GABRG3: variants seen among roughly 807,000 people sequenced by gnomAD.
The protein encoded by GABRG3 is gamma-aminobutyric acid receptor subunit gamma-3.
Under a neutral mutation model 48.8 loss-of-function variants are expected in GABRG3, and 25 were observed. The ratio of observed to expected loss-of-function variants is 0.51; its 90% CI spans 0.37 to 0.72. GABRG3 has a LOEUF of 0.72. Ranked by LOEUF, GABRG3 falls within the 30% of genes least tolerant of loss-of-function variation. The pLI, the probability that GABRG3 is intolerant of heterozygous loss-of-function variation, is 0.00. For synonymous variants in GABRG3, 227 were observed against 217.6 expected, an observed-to-expected ratio of 1.04 and a Z score of -0.38; for missense variants, 394 against 577.9, an observed-to-expected ratio of 0.68 and a Z score of 3.26.
intron 3 of GABRG3, among the ~76,000 whole-genome samples, chr15:27,105,660 G>A (rs549665501): frequency 6.6e-6 from 1 of 152,240 alleles, no homozygotes; most frequent in South Asian, 2.1e-4. Flanking sequence ...ATATTGGTGG[G>A]GGTATGGAGA....
At chr15:27,364,956 A>C (rs532632360) in intron 5 of GABRG3, 4 of 143,588 alleles carry the variant, frequency 2.8e-5, no homozygotes, top group Non-Finnish European at 4.6e-5. Flanking sequence ...AGACTAGGAC[A>C]AAGAATTTTT....
At chr15:27,255,706 G>A (rs553716885) in intron 3 of GABRG3, among the ~76,000 whole-genome samples, 3 of 152,122 alleles carry the variant, frequency 2.0e-5, no homozygotes, top group Non-Finnish European at 4.4e-5. Flanking sequence ...CCAGACCTTG[G>A]AAATGCTGAT....
At chr15:27,255,580 A>G (rs1370165716) in intron 3 of GABRG3, among the ~76,000 whole-genome samples, 1 of 151,452 alleles carries the variant, frequency 6.6e-6, no homozygotes, top group Non-Finnish European at 1.5e-5. Context: ...CTTGTATTCC[A>G]TTTTCATCTT....
At chr15:27,212,097 A>G (rs1419625803) in intron 3 of GABRG3, among the ~76,000 whole-genome samples, 1 of 152,326 alleles carries the variant, frequency 6.6e-6, no homozygotes, top group South Asian at 2.1e-4. Flanking sequence ...GAAAATTGGT[A>G]TATAAACTGC....
rs759062472 is a variant in GABRG3 at position 27,180,220 on chromosome 15, C to T, written c.271-146589C>T. 8.5e-5 allele frequency among the ~76,000 whole-genome samples: 13 copies of T among 152,112 alleles called. No individual in the cohort carries two copies. The highest frequency in any genetic ancestry group is 5.8e-4 in the East Asian group (3 of 5,168). ...ACACTTTTTCTGAAGGACCTTAGCA[C>T]GGTCTAAATAAAGTTTGTAAACCAC... On this transcript the variant is annotated intron_variant, in intron 3 of 9. Transcript: ENST00000615808. This position sits in a 1 kb window ranked among gnomAD's most constrained non-coding sequence, Gnocchi z 4.2.
intron 3 of GABRG3, among the ~76,000 whole-genome samples, chr15:27,221,711 A>C (rs1413668493): frequency 5.3e-5 from 8 of 152,150 alleles, no homozygotes; most frequent in Admixed American, 4.6e-4. Flanking sequence ...AATGGCCCTT[A>C]ATAATTTCTC....
At chr15:27,036,390 C>T (rs749784925) in intron 3 of GABRG3, among the ~76,000 whole-genome samples, 4 of 152,104 alleles carry the variant, frequency 2.6e-5, no homozygotes, top group Admixed American at 6.5e-5. Context: ...AATTGTGTAA[C>T]GTGTTTCACT....
At chr15:27,264,971 A>G (rs1890873732) in intron 3 of GABRG3, among the ~76,000 whole-genome samples, 1 of 152,106 alleles carries the variant, frequency 6.6e-6, no homozygotes, top group Admixed American at 6.6e-5. Context: ...TCTCTACCCT[A>G]TTCCTCTAAT....
At chr15:27,294,838 C>T (rs1472006304) in intron 3 of GABRG3, 21 of 152,144 alleles carry the variant, frequency 1.4e-4, no homozygotes, top group Admixed American at 5.2e-4. Flanking sequence ...ATTTGCCAAC[C>T]GCTATTCTAG....
chr15:27,237,947 C>T (rs553254022), intron 3 of GABRG3, among the ~76,000 whole-genome samples: 1 of 152,262 alleles, frequency 6.6e-6, no homozygotes, highest in Admixed American at 6.5e-5. Flanking sequence ...ACTCTGCATG[C>T]CCTCTTGAAC....
At chr15:27,176,859 T>C (rs1887762486) in intron 3 of GABRG3, among the ~76,000 whole-genome samples, 1 of 152,148 alleles carries the variant, frequency 6.6e-6, no homozygotes, top group Middle Eastern at 3.2e-3. Flanking sequence ...TTTACTATTA[T>C]GTGCTGGAAA....
At chr15:27,032,431 G>T (rs996488481) in intron 3 of GABRG3, among the ~76,000 whole-genome samples, 1 of 152,154 alleles carries the variant, frequency 6.6e-6, no homozygotes, top group Non-Finnish European at 1.5e-5. Context: ...AATTTATAAA[G>T]AAAAGAGGTT....
intron 2 of GABRG3, among the ~76,000 whole-genome samples, chr15:26,986,425 C>T (rs565137417): frequency 7.9e-5 from 12 of 152,218 alleles, no homozygotes; most frequent in Non-Finnish European, 1.2e-4. Flanking sequence ...CAAAGGCCGC[C>T]GAGTTCAGAC....
intron 3 of GABRG3, among the ~76,000 whole-genome samples, chr15:27,056,465 A>G (rs1896549796): frequency 6.6e-6 from 1 of 152,204 alleles, no homozygotes; most frequent in Non-Finnish European, 1.5e-5. Flanking sequence ...GAAAATTAAC[A>G]CCAGACAACC....
intron 6 of GABRG3, among the ~76,000 whole-genome samples, chr15:27,499,612 A>T (rs551000867): frequency 1.3e-5 from 2 of 152,368 alleles, no homozygotes; most frequent in South Asian, 2.1e-4. Flanking sequence ...GCATCAATTA[A>T]GCTCGTAGCT....
At chr15:27,388,401 G>GGTAA (rs1436197373) in intron 5 of GABRG3, among the ~76,000 whole-genome samples, 1 of 147,736 alleles carries the variant, frequency 6.8e-6, no homozygotes, top group South Asian at 2.2e-4. Flanking sequence ...AGGGAGGGAG[G>GGTAA]GGAAGGAAGG....
At chr15:27,250,363 C>T (rs1890415261) in intron 3 of GABRG3, among the ~76,000 whole-genome samples, 1 of 152,230 alleles carries the variant, frequency 6.6e-6, no homozygotes, top group South Asian at 2.1e-4. Context: ...TTCACTTCCT[C>T]AGCAGCACTG....
intron 3 of GABRG3, among the ~76,000 whole-genome samples, chr15:27,107,445 T>A (rs994266998): frequency 2.6e-5 from 4 of 152,086 alleles, no homozygotes; most frequent in Admixed American, 2.0e-4. Context: ...AGATTTAATA[T>A]TTTTAATGAT....
chr15:27,011,621 G>A (rs1181370392), intron 2 of GABRG3, among the ~76,000 whole-genome samples: 2 of 152,080 alleles, frequency 1.3e-5, no homozygotes, highest in East Asian at 1.9e-4. Flanking sequence ...GCTGAGGCAG[G>A]CGGATCACAA....
Sources: allele counts gnomAD v4.1 joint callset (sites outside exome capture counted in the v4.1 genomes callset), GRCh38; gene constraint gnomAD v4.1.1; non-coding constraint Gnocchi (gnomAD v3.1); transcripts MANE v1.5; gene names NCBI Gene and HGNC (gene_info 2026-07-23, HGNC 2026-07-21).